Variants in PLEKHG5 observed in about 807,000 individuals in gnomAD.
PLEKHG5 encodes pleckstrin homology and RhoGEF domain containing G5.
In PLEKHG5, 52 loss-of-function variants were observed where a neutral mutation model predicts 103.8. That is an observed-to-expected ratio of 0.50 (90% CI 0.40 to 0.63). The LOEUF (loss-of-function observed/expected upper bound fraction) is 0.63, where lower values mean the gene tolerates loss of function less well. Among genes scored for constraint, PLEKHG5 ranks in the 30% least tolerant of loss-of-function variants. The pLI is 0.00. For missense variants in PLEKHG5, 1,205 were observed against 1,347.6 expected (o/e 0.89, Z 1.66); for synonymous variants, 592 against 575.5 (o/e 1.03, Z -0.41).
chr1:6,486,481 C>T lies in PLEKHG5; in HGVS notation c.-88+5156G>A, dbSNP rs1645040336. ...ACGGCAGAGGCCGAGAGCCAAAGGC[C>T]GGTGGCCTCTGGAAAGGGCCGTGGG... On this transcript the variant is annotated intron_variant, in intron 1 of 20. Transcript: ENST00000377728. This position sits in a 1 kb window ranked among gnomAD's most constrained non-coding sequence, Gnocchi z 5.3. Among the ~76,000 whole-genome samples, 1 of 152,234 alleles carries T rather than the reference C, an allele frequency of 6.6e-6. No homozygotes were observed. The highest frequency in any genetic ancestry group is 1.9e-4 in the East Asian group (1 of 5,196).
At position 6,471,622 on chromosome 1, in the gene PLEKHG5, G is replaced by GGC. The variant is rs1644591704; in HGVS notation, c.1145_1146dup (p.Leu383AlafsTer20). 1 of 1,590,102 alleles carries GGC rather than the reference G, an allele frequency of 6.3e-7. No individual in the cohort carries two copies. The highest frequency in any genetic ancestry group is 8.6e-7 in the Non-Finnish European group (1 of 1,169,132). Reference sequence around the variant, plus strand: ...GCGATCTCCGGGATGTTGCTGAACAGGCGCTCCGCCTCCACCTGGGCGCGG... The same window carrying GGC: ...GCGATCTCCGGGATGTTGCTGAACAGGCGCGCTCCGCCTCCACCTGGGCGCGG... On this transcript the variant is annotated frameshift_variant, in exon 12 of 21. Coordinates refer to ENST00000377728, the MANE Select transcript of PLEKHG5 (RefSeq NM_020631.6). LOFTEE classifies it high-confidence loss of function.
chr1:6,492,676 G>A (rs751860541), upstream of PLEKHG5, among the ~76,000 whole-genome samples: 6 of 152,228 alleles, frequency 3.9e-5, no homozygotes, highest in East Asian at 1.9e-4. Context: ...CCTCGCTGCC[G>A]GGTTATTTTC....
rs1022201977 is a variant in PLEKHG5 at position 6,508,145 on chromosome 1, G to A, written c.-165+11300C>T. On this transcript the variant is annotated intron_variant, in intron 1 of 21. Transcript: ENST00000377740. ...GACTCCTTCCTACCCTCAACTGTGG[G>A]CTGAGCACAAGGGGACGCCCCTGCT... is the stretch of plus-strand genomic sequence containing the variant. Among the ~76,000 whole-genome samples, 4 of 149,824 alleles carry A rather than the reference G, an allele frequency of 2.7e-5. No individual in the cohort carries two copies. In the East Asian group the frequency reaches 8.1e-4, roughly 30 times the overall value.
rs62639695 is a variant in PLEKHG5, at chr1:6,469,128, C to T, written c.2163G>A (p.Glu721=). 124,079 of 1,526,600 alleles carry T rather than the reference C, an allele frequency of 0.081. 4,563 individuals carry two copies. The highest frequency in any genetic ancestry group is 0.17 in the African/African-American group (11,362 of 65,214). The allele number at this position is 1,526,600 out of a possible 1,614,324, so 94.6% of individuals were successfully genotyped here. The change falls in exon 19 of 21, where the codon GAG becomes GAA. Residue 721 remains glutamate, a synonymous_variant. Coordinates refer to ENST00000377728, the MANE Select transcript of PLEKHG5 (RefSeq NM_020631.6). Reference sequence around the variant, plus strand: ...AAGTGCCACTGTCCTCGCCTTCCTCCTCCTCCTCCTCCTCCTCCTCTTCCT... The same window carrying T: ...AAGTGCCACTGTCCTCGCCTTCCTCTTCCTCCTCCTCCTCCTCCTCTTCCT... ...QEEEEEEEEE[E]EEGEDSGTSA... is the part of the protein sequence containing the mutation.
chr1:6,483,326 C>T (rs114076159), intron 1 of PLEKHG5, among the ~76,000 whole-genome samples: 1 of 152,198 alleles, frequency 6.6e-6, no homozygotes, highest in African/African-American at 2.4e-5. Flanking sequence ...GCACCAGGTG[C>T]CCCCACTTCT....
In PLEKHG5 at chr1:6,475,992, G is replaced by A. The variant is rs111400494; in HGVS notation, c.88C>T (p.Arg30Cys). The change falls in exon 3 of 21, where the codon CGC becomes TGC. Residue 30 changes from arginine (R) to cysteine (C), a missense_variant. Arg to Cys is a radical substitution (Grantham distance 180). Transcript: ENST00000377728. ...RNVSTRSCPP[R>C]TSPAVDLEEE... ...TCCAAGTCCACTGCGGGGCTGGTGC[G>A]CGGCGGGCATGACCGGGTGGACACG... is the stretch of plus-strand genomic sequence containing the variant. The A allele has an allele frequency of 4.6e-3, 7,444 of 1,613,838 alleles. 27 individuals carry two copies. The highest frequency in any genetic ancestry group is 5.7e-3 in the Non-Finnish European group (6,726 of 1,180,018).
In PLEKHG5 at chr1:6,471,827, G is replaced by A. The variant is rs1057524719; in HGVS notation, c.1081-19C>T. ...GGAACAGCTGTGGGATCAGGGGATG[G>A]TGTGACTGGGGTCGGGAGGCTGTCT... is the stretch of plus-strand genomic sequence containing the variant. On this transcript the variant is annotated intron_variant, in intron 10 of 20. Coordinates refer to ENST00000377728, the MANE Select transcript of PLEKHG5 (RefSeq NM_020631.6). The A allele has an allele frequency of 1.9e-5, 31 of 1,598,584 alleles. No individual in the cohort carries two copies. Among genetic ancestry groups the A allele is most frequent in the Admixed American group, 5.1e-5 (3 of 58,304 alleles).
rs369749694 is a variant in PLEKHG5, at chr1:6,475,581, C to T, written c.150-59G>A. On this transcript the variant is annotated intron_variant, in intron 3 of 20. Coordinates refer to ENST00000377728, the MANE Select transcript of PLEKHG5 (RefSeq NM_020631.6). Reference sequence around the variant, plus strand: ...TGTGGGTGGCCCTCGCCAGCGTGGGCGGCGAGTGGGCCTGTGGCCTCCCCG... The same window carrying T: ...TGTGGGTGGCCCTCGCCAGCGTGGGTGGCGAGTGGGCCTGTGGCCTCCCCG... 8.5e-5 allele frequency: 124 copies of T among 1,460,650 alleles called. No homozygotes were observed. In the East Asian group the frequency reaches 2.3e-3, roughly 27 times the overall value. 90.5% of individuals were successfully genotyped at this position (1,460,650 alleles called of 1,614,324 possible). A position where few individuals can be genotyped will look rare whatever the true frequency, so the allele number is the denominator to read the frequency against.
At chr1:6,518,513 C>T (rs1185119115) in intron 1 of PLEKHG5, among the ~76,000 whole-genome samples, 6 of 148,118 alleles carry the variant, frequency 4.1e-5, no homozygotes, top group African/African-American at 7.5e-5. Context: ...TGAGCCATAT[C>T]GCACCATTGC....
chr1:6,481,342 C>A (rs1644891972), intron 1 of PLEKHG5, among the ~76,000 whole-genome samples: 1 of 151,290 alleles, frequency 6.6e-6, no homozygotes, highest in Admixed American at 6.6e-5. Context: ...ACCAGCCTGA[C>A]CAACATGGAA....
At chr1:6,480,496 C>A (rs1644871643) in intron 1 of PLEKHG5, among the ~76,000 whole-genome samples, 1 of 151,008 alleles carries the variant, frequency 6.6e-6, no homozygotes, top group Non-Finnish European at 1.5e-5. Context: ...CCACTGCACT[C>A]CAGCCTGAGT....
Position 6,487,850 on chromosome 1 carries a change from C to T in PLEKHG5, c.-88+3787G>A, listed in dbSNP as rs557875580. On this transcript the variant is annotated intron_variant, in intron 1 of 20. Transcript: ENST00000377728. This position sits in a 1 kb window ranked among gnomAD's most constrained non-coding sequence, Gnocchi z 4.1. ...GGCCGTCTGCATCTCACTGTGTCCTCGGCACTTAGAACAGTCCTGGTGCAC... is the reference window on the plus strand; with the variant it reads ...GGCCGTCTGCATCTCACTGTGTCCTTGGCACTTAGAACAGTCCTGGTGCAC... Among the ~76,000 whole-genome samples the T allele has an allele frequency of 2.7e-4, 41 of 152,346 alleles. No homozygotes were observed. The highest frequency in any genetic ancestry group is 1.4e-3 in the Admixed American group (21 of 15,296).
rs112929549 is a variant in PLEKHG5, at chr1:6,502,697, G to A, written c.-164-6128C>T. ...AAATAGCTATGAGATCCCAATTCCC[G>A]ACAGTCACACTCCAAGCGCCAGTCC... is the stretch of plus-strand genomic sequence containing the variant. On this transcript the variant is annotated intron_variant, in intron 1 of 21. Transcript: ENST00000377740. Among the ~76,000 whole-genome samples the A allele has an allele frequency of 7.2e-5, 11 of 152,158 alleles. No individual in the cohort carries two copies. In the East Asian group the frequency reaches 9.6e-4, roughly 13 times the overall value.
chr1:6,497,759 G>T (rs185054143), upstream of PLEKHG5, among the ~76,000 whole-genome samples: 372 of 152,270 alleles, frequency 2.4e-3, 4 homozygotes, highest in East Asian at 0.015. The surrounding 1 kb of genome is among the most constrained non-coding windows in gnomAD (Gnocchi z 6.1). Flanking sequence ...TGGCAACACG[G>T]AGGCTGCCCC....
At chr1:6,488,765 CCCTGGGGAGGGAG>C (rs1445083213) in intron 1 of PLEKHG5, among the ~76,000 whole-genome samples, 3 of 152,172 alleles carry the variant, frequency 2.0e-5, no homozygotes, top group Non-Finnish European at 4.4e-5. Flanking sequence ...GCCCCCAACT[CCCTGGGGAGGGAG>C]CCCCTCCCCA....
In PLEKHG5 at chr1:6,505,557, G is replaced by C. The variant is rs769141874; in HGVS notation, c.-164-8988C>G. Among the ~76,000 whole-genome samples, 2 of 152,036 alleles carry C rather than the reference G, an allele frequency of 1.3e-5. No individual in the cohort carries two copies. The highest frequency in any genetic ancestry group is 2.9e-5 in the Non-Finnish European group (2 of 68,016). On this transcript the variant is annotated intron_variant, in intron 1 of 21. Coordinates refer to the PLEKHG5 transcript ENST00000377740. The surrounding 1 kb of genome is among the most constrained non-coding windows in gnomAD (Gnocchi z 4.2). The stretch of plus-strand genomic sequence containing the variant: ...CTCAGCGTCCCCGAGAGCTCATCCT[G>C]CCTCTTCAGGGGCTTAAACTCCCTG...
intron 1 of PLEKHG5, among the ~76,000 whole-genome samples, chr1:6,479,476 T>C (rs761395771): frequency 3.7e-4 from 56 of 151,902 alleles, no homozygotes; most frequent in Non-Finnish European, 7.1e-4. Context: ...TTGGTAGAGA[T>C]GGGGTTTCAC....
intron 1 of PLEKHG5, among the ~76,000 whole-genome samples, chr1:6,514,722 C>T (rs1263649852): frequency 2.6e-5 from 4 of 151,506 alleles, no homozygotes; most frequent in Non-Finnish European, 5.9e-5. Flanking sequence ...GATCATGCCA[C>T]TGCACTCCAG....
intron 2 of PLEKHG5, among the ~76,000 whole-genome samples, chr1:6,476,823 G>A (rs1483986617): frequency 6.6e-6 from 1 of 152,046 alleles, no homozygotes; most frequent in African/African-American, 2.4e-5. Context: ...GGCACGATCA[G>A]GGCTCACTGG....
Sources: allele counts gnomAD v4.1 joint callset (sites outside exome capture counted in the v4.1 genomes callset), GRCh38; gene constraint gnomAD v4.1.1; non-coding constraint Gnocchi (gnomAD v3.1); transcripts MANE v1.5; gene names NCBI Gene and HGNC (gene_info 2026-07-23, HGNC 2026-07-21).